ZFAND3: variants seen among roughly 807,000 people sequenced by gnomAD.
ZFAND3 encodes the protein AN1-type zinc finger protein 3.
In ZFAND3, 10 loss-of-function variants were observed where a neutral mutation model predicts 29.6. The ratio of observed to expected loss-of-function variants is 0.34; its 90% confidence interval spans 0.21 to 0.57. The LOEUF is 0.57. ZFAND3 is among the 20% of genes least tolerant of loss of function. The pLI is 0.86. For synonymous variants in ZFAND3, 128 were observed against 112.6 expected (o/e 1.14, Z -0.87); for missense variants, 230 against 304.5 (o/e 0.76, Z 1.82).
chr6:38,103,456 CATAT>C (rs1462951082), intron 4 of ZFAND3, among the ~76,000 whole-genome samples: 1 of 21,114 alleles, frequency 4.7e-5, no homozygotes, highest in Non-Finnish European at 1.2e-4. Context: ...TATATACACA[CATAT>C]ATACACGTGT....
intron 5 of ZFAND3, among the ~76,000 whole-genome samples, chr6:38,138,417 A>ATT (rs35333481): frequency 8.0e-5 from 12 of 149,746 alleles, no homozygotes; most frequent in South Asian, 2.1e-4. Context: ...TCTCAGGTCA[A>ATT]TTTTTTTTTT....
Position 37,938,576 on chromosome 6 carries a change from C to T in ZFAND3, c.112+8577C>T, listed in dbSNP as rs77438737. 2.6e-5 allele frequency among the ~76,000 whole-genome samples: 4 copies of T among 152,174 alleles called. No homozygotes were observed. In the South Asian group the frequency reaches 6.2e-4, roughly 24 times the overall value. On this transcript the variant is annotated intron_variant, in intron 2 of 5. Coordinates refer to ENST00000287218, the MANE Select transcript of ZFAND3 (RefSeq NM_021943.3). ...GGAAACTCTGTTCTTTATGGTGTAG[C>T]CTCCCTTACTCTGAAATGCAAGCAA...
At chr6:37,963,314 A>G (rs760416458) in intron 2 of ZFAND3, among the ~76,000 whole-genome samples, 2 of 152,198 alleles carry the variant, frequency 1.3e-5, no homozygotes, top group Non-Finnish European at 2.9e-5. Flanking sequence ...ATGGAAACAC[A>G]ACATACCCAA....
At chr6:37,868,310 A>T (rs768179437) in intron 1 of ZFAND3, among the ~76,000 whole-genome samples, 1 of 152,218 alleles carries the variant, frequency 6.6e-6, no homozygotes, top group Non-Finnish European at 1.5e-5. Context: ...GTTACAAAAG[A>T]TGCAGTGGGA....
Position 38,153,910 on chromosome 6 carries a change from T to C in ZFAND3, c.*1521T>C. On this transcript the variant is annotated 3_prime_UTR_variant, in exon 6 of 6. Coordinates refer to ENST00000287218, the MANE Select transcript of ZFAND3 (RefSeq NM_021943.3). ...TTTAACCCAGCAACTTTCCTTTTTA[T>C]AAAACAACAAATGGTTCAACTCTGT... is the stretch of plus-strand genomic sequence containing the variant. The C allele has an allele frequency of 1.0e-6, 1 of 985,510 alleles. No homozygotes were observed. The highest frequency in any genetic ancestry group is 1.2e-6 in the Non-Finnish European group (1 of 829,942). The allele number at this position is 985,510 out of a possible 1,614,324, so 61.0% of individuals were successfully genotyped here.
At chr6:37,957,130 C>T (rs7759792) in intron 2 of ZFAND3, among the ~76,000 whole-genome samples, 25,437 of 152,130 alleles carry the variant, frequency 0.17, 2,337 homozygotes, top group East Asian at 0.33. Context: ...GTGTTTGAAA[C>T]GATTCAGTCT....
intron 1 of ZFAND3, among the ~76,000 whole-genome samples, chr6:37,905,219 C>T (rs539058059): frequency 6.6e-6 from 1 of 152,214 alleles, no homozygotes; most frequent in African/African-American, 2.4e-5. Flanking sequence ...ATTTTACTTT[C>T]CTGTGGCAAT....
intron 1 of ZFAND3, among the ~76,000 whole-genome samples, chr6:37,839,847 T>C (rs937817904): frequency 1.1e-4 from 16 of 152,180 alleles, no homozygotes; most frequent in Non-Finnish European, 2.1e-4. Flanking sequence ...TGGTTACTAG[T>C]TATTTATCAG....
chr6:38,118,232 T>TA (rs1163095271), intron 5 of ZFAND3, among the ~76,000 whole-genome samples: 2 of 152,294 alleles, frequency 1.3e-5, no homozygotes, highest in African/African-American at 4.8e-5. Flanking sequence ...CAGGCAATTT[T>TA]AAATTCTTGG....
chr6:37,918,314 A>G (rs577666291), intron 1 of ZFAND3, among the ~76,000 whole-genome samples: 2 of 152,186 alleles, frequency 1.3e-5, no homozygotes, highest in East Asian at 3.9e-4. Flanking sequence ...TGACCTTGTG[A>G]TCCACCTGCC....
At chr6:37,863,053 G>A (rs1392704231) in intron 1 of ZFAND3, among the ~76,000 whole-genome samples, 2 of 152,010 alleles carry the variant, frequency 1.3e-5, no homozygotes, top group Non-Finnish European at 2.9e-5. Context: ...CACTATTGCT[G>A]TGGTTGGCAG....
intron 2 of ZFAND3, among the ~76,000 whole-genome samples, chr6:37,940,110 A>G (rs1344618141): frequency 6.6e-6 from 1 of 152,158 alleles, no homozygotes; most frequent in African/African-American, 2.4e-5. Flanking sequence ...TCAGTAGACT[A>G]ATACAGGCTA....
At chr6:38,102,146 C>T (rs1299087746) in intron 4 of ZFAND3, among the ~76,000 whole-genome samples, 1 of 152,022 alleles carries the variant, frequency 6.6e-6, no homozygotes, top group East Asian at 1.9e-4. Context: ...CCTCCTCCTT[C>T]ATCTTCTTCT....
chr6:38,049,882 A>ACCCCCACCCCCT (rs1224102701), intron 2 of ZFAND3, among the ~76,000 whole-genome samples: 1 of 42,078 alleles, frequency 2.4e-5, no homozygotes, highest in East Asian at 1.4e-3. Flanking sequence ...CCCCACCCCC[A>ACCCCCACCCCCT]CCCCCACCCC....
chr6:38,065,422 G>A (rs1017592576), intron 3 of ZFAND3, among the ~76,000 whole-genome samples: 10 of 152,154 alleles, frequency 6.6e-5, no homozygotes, highest in African/African-American at 2.4e-4. Flanking sequence ...GAAGTCAGGA[G>A]GAGAATGATA....
chr6:37,975,270 T>A (rs750879335), intron 2 of ZFAND3, among the ~76,000 whole-genome samples: 15 of 152,220 alleles, frequency 9.9e-5, no homozygotes, highest in Non-Finnish European at 4.4e-5. Context: ...TTGCCATCCA[T>A]GTATCTTCTT....
intron 1 of ZFAND3, among the ~76,000 whole-genome samples, chr6:37,878,764 G>C (rs748963466): frequency 6.6e-6 from 1 of 152,228 alleles, no homozygotes; most frequent in Non-Finnish European, 1.5e-5. Context: ...TGGTTGATCA[G>C]ATTTTTTAGT....
At chr6:37,872,168 C>G (rs1764706031) in intron 1 of ZFAND3, among the ~76,000 whole-genome samples, 1 of 152,176 alleles carries the variant, frequency 6.6e-6, no homozygotes, top group African/African-American at 2.4e-5. Context: ...ATTCTATTAC[C>G]TAACGTGGCT....
At chr6:37,996,540 C>G (rs565873046) in intron 2 of ZFAND3, among the ~76,000 whole-genome samples, 1 of 152,190 alleles carries the variant, frequency 6.6e-6, no homozygotes, top group Admixed American at 6.5e-5. Context: ...CTTAGCTGCC[C>G]CTTAACCCCC....
Sources: allele counts gnomAD v4.1 joint callset (sites outside exome capture counted in the v4.1 genomes callset), GRCh38; gene constraint gnomAD v4.1.1; transcripts MANE v1.5; gene names NCBI Gene and HGNC (gene_info 2026-07-23, HGNC 2026-07-21).